The following MS4A8 variants were observed in gnomAD, a reference collection of about 807,000 sequenced individuals.
MS4A8 encodes membrane spanning 4-domains A8.
In MS4A8, 27 loss-of-function variants were observed where a neutral mutation model predicts 23.7. The observed-to-expected ratio is 1.14, with a 90% CI of 0.84 to 1.57. MS4A8 has a LOEUF of 1.57. Ranked by LOEUF, MS4A8 falls within the 40% of genes most tolerant of loss-of-function variation. The probability of loss-of-function intolerance (pLI) is 0.00; values close to 1 mark genes in which losing one functional copy is unlikely to be tolerated. For missense variants in MS4A8, 301 were observed against 311.4 expected, an observed-to-expected ratio of 0.97 and a Z score of 0.25; for synonymous variants, 138 against 126.3, an observed-to-expected ratio of 1.09 and a Z score of -0.62.
rs2088211504 is a variant in MS4A8, at chr11:60,702,263, C to CA, written c.220-1112dup. Reference sequence around the variant, plus strand: ...TACAGCTGGGCAAAATCATCTAACACAAAGCCTATTTAATAGTGTTCTTGA... The same window carrying CA: ...TACAGCTGGGCAAAATCATCTAACACAAAAGCCTATTTAATAGTGTTCTTGA... On this transcript the variant is annotated intron_variant, in intron 2 of 6. Transcript: ENST00000300226. Among the ~76,000 whole-genome samples the CA allele has an allele frequency of 2.6e-5, 4 of 152,328 alleles. No individual in the cohort carries two copies. The South Asian group carries it at 8.3e-4, about 32-fold the overall frequency.
intron 5 of MS4A8, chr11:60,712,597 C>T (rs2088309201): frequency 1.6e-6 from 1 of 607,014 alleles, no homozygotes; most frequent in Admixed American, 6.3e-5. Flanking sequence ...AGTTCAAGAC[C>T]AGCCTGGGCA....
chr11:60,712,361 C>T (rs2088307303), intron 5 of MS4A8: 3 of 985,224 alleles, frequency 3.0e-6, no homozygotes, highest in Non-Finnish European at 3.6e-6. Context: ...TTCTTAGCCG[C>T]TTCTACCAAG....
At chr11:60,711,240 A>C (rs1232705225) in intron 5 of MS4A8, among the ~76,000 whole-genome samples, 1 of 152,234 alleles carries the variant, frequency 6.6e-6, no homozygotes, top group African/African-American at 2.4e-5. Context: ...GGAATAAATG[A>C]ATGTGCCAGC....
chr11:60,706,873 G>A, intron 3 of MS4A8, 115 bp from the exon 4 acceptor site: 1 of 856,576 alleles, frequency 1.2e-6, no homozygotes, highest in South Asian at 1.4e-5. Context: ...TGTTGCCCAT[G>A]TTGAGCTGAT....
At chr11:60,706,122 T>C (rs1466499288) in intron 3 of MS4A8, among the ~76,000 whole-genome samples, 1 of 152,166 alleles carries the variant, frequency 6.6e-6, no homozygotes, top group Non-Finnish European at 1.5e-5. Flanking sequence ...CTAAAAATAA[T>C]TGCATAATAT....
At chr11:60,707,145 T>G in intron 4 of MS4A8, 98 bp downstream of exon 4, 1 of 1,106,022 alleles carries the variant, frequency 9.0e-7, no homozygotes, top group Non-Finnish European at 1.4e-6. Flanking sequence ...CCCCCAGCCT[T>G]GCACCTACTA....
intron 2 of MS4A8, among the ~76,000 whole-genome samples, chr11:60,702,417 T>C (rs1331778430): frequency 2.0e-5 from 3 of 152,232 alleles, no homozygotes; most frequent in Non-Finnish European, 4.4e-5. Context: ...AACTTTGTTT[T>C]TTTGAGACAG....
chr11:60,712,224 T>C (rs995992936), intron 5 of MS4A8: 1 of 612,718 alleles, frequency 1.6e-6, no homozygotes, highest in African/African-American at 2.0e-5. Flanking sequence ...TTCATGACAA[T>C]GAACCTCTCC....
At chr11:60,706,856 T>C in intron 3 of MS4A8, 132 bp from the exon 4 acceptor site, 1 of 763,566 alleles carries the variant, frequency 1.3e-6, no homozygotes, top group East Asian at 2.5e-5. Context: ...AAACAGCTCA[T>C]TTTTTCTGTT....
chr11:60,703,626 A>G (rs2088226366), intron 3 of MS4A8, 126 bp downstream of exon 3: 2 of 1,147,782 alleles, frequency 1.7e-6, no homozygotes, highest in Non-Finnish European at 2.5e-6. Flanking sequence ...GGGGGATAGG[A>G]AACCAGCCAG....
At chr11:60,709,169 C>CAA (rs1192129760) in intron 5 of MS4A8, 1 of 240,646 alleles carries the variant, frequency 4.2e-6, no homozygotes, top group Non-Finnish European at 8.1e-6. Context: ...TGCAGGCCTA[C>CAA]AGTCTCTGTC....
intron 3 of MS4A8, 49 bp downstream of exon 3, chr11:60,703,549 G>A: frequency 6.3e-7 from 1 of 1,594,626 alleles, no homozygotes; most frequent in Non-Finnish European, 8.5e-7. Context: ...AGGTGCCAAG[G>A]CACTCAAGGC....
At chr11:60,714,749 C>G (rs1334401373) in intron 5 of MS4A8, among the ~76,000 whole-genome samples, 1 of 152,170 alleles carries the variant, frequency 6.6e-6, no homozygotes, top group African/African-American at 2.4e-5. Context: ...ACCCTCAGGT[C>G]TCCACACCCA....
intron 4 of MS4A8, among the ~76,000 whole-genome samples, chr11:60,707,786 G>T (rs1052179856): frequency 1.3e-5 from 2 of 148,220 alleles, no homozygotes; most frequent in Admixed American, 6.7e-5. Flanking sequence ...GTTTCCCAGA[G>T]ATTATTCTTT....
At chr11:60,714,977 T>C (rs945003065) in intron 5 of MS4A8, 44 bp from the exon 6 acceptor site, 3 of 1,405,972 alleles carry the variant, frequency 2.1e-6, no homozygotes, top group East Asian at 4.6e-5. Context: ...CAGTTCGGAC[T>C]CCCAGTCCCG....
At chr11:60,708,858 C>T (rs761041936) in intron 5 of MS4A8, 77 bp downstream of exon 5, 9 of 1,550,594 alleles carry the variant, frequency 5.8e-6, no homozygotes, top group Non-Finnish European at 8.0e-6. Flanking sequence ...AAGGGCTTGA[C>T]AACCAAGCTA....
At chr11:60,707,812 C>CTTTTTTTTT (rs5792195) in intron 4 of MS4A8, among the ~76,000 whole-genome samples, 35 of 55,152 alleles carry the variant, frequency 6.3e-4, no homozygotes, top group Admixed American at 1.3e-3. Context: ...TTTTCTTTTT[C>CTTTTTTTTT]TTTTTTTTTT....
intron 3 of MS4A8, among the ~76,000 whole-genome samples, chr11:60,704,694 G>T (rs1055434368): frequency 1.3e-5 from 2 of 152,078 alleles, no homozygotes; most frequent in South Asian, 2.1e-4. Flanking sequence ...TTCTGGAAGG[G>T]TCCATAGCTT....
At chr11:60,706,158 A>T (rs1031398678) in intron 3 of MS4A8, among the ~76,000 whole-genome samples, 3 of 152,208 alleles carry the variant, frequency 2.0e-5, no homozygotes, top group Non-Finnish European at 2.9e-5. Context: ...ATTATATGAT[A>T]CATGAATTAT....
Sources: gnomAD v4.1 joint callset for allele counts (sites outside exome capture counted in the v4.1 genomes callset) on GRCh38, gnomAD v4.1.1 for gene constraint, MANE v1.5 for transcripts, NCBI Gene and HGNC (gene_info 2026-07-23, HGNC 2026-07-21) for gene names.